NFKB2: variants seen among roughly 807,000 people sequenced by gnomAD.
NFKB2 encodes nuclear factor NF-kappa-B p100 subunit.
A neutral mutation model predicts 109.3 loss-of-function variants in NFKB2; 21 were observed. The ratio of observed to expected loss-of-function variants is 0.19; its 90% confidence interval spans 0.14 to 0.28. The LOEUF (loss-of-function observed/expected upper bound fraction) is 0.28. Ranked by LOEUF, NFKB2 falls within the 10% of genes least tolerant of loss-of-function variation. The pLI, the probability that NFKB2 is intolerant of heterozygous loss-of-function variation, is 1.00. For missense variants in NFKB2, 806 were observed against 1,185.3 expected (o/e 0.68, Z 4.70); for synonymous variants, 478 against 489.9 (o/e 0.98, Z 0.32).
Position 102,402,524 on chromosome 10 carries a change from A to G in NFKB2, c.*148A>G. 1.8e-6 allele frequency: 1 copy of G among 569,482 alleles called. No individual in the cohort carries two copies. Among genetic ancestry groups the G allele is most frequent in the Non-Finnish European group, 3.1e-6 (1 of 325,102 alleles). The allele number at this position is 569,482 out of a possible 1,614,324, so 35.3% of individuals were successfully genotyped here. A position where few individuals can be genotyped will look rare whatever the true frequency, so the allele number is the denominator to read the frequency against. On this transcript the variant is annotated 3_prime_UTR_variant, in exon 23 of 23. Transcript: ENST00000661543. ...GGGGAGGACCCCTCCTTCCCAACTTATGGCAGCCCCTGATGTGACTCTTGT... is the reference window on the plus strand; with the variant it reads ...GGGGAGGACCCCTCCTTCCCAACTTGTGGCAGCCCCTGATGTGACTCTTGT...
chr10:102,401,407 G>A lies in NFKB2; in HGVS notation c.2224-42G>A, dbSNP rs2061243885. On this transcript the variant is annotated intron_variant, in intron 19 of 22. Transcript: ENST00000661543. The surrounding 1 kb of genome is among the most constrained non-coding windows in gnomAD (Gnocchi z 4.2). ...TCTGGACTTAAAGACACAGGCTTAA[G>A]GACGAGGTGGGAGGTAGTCAGAACT... The A allele has an allele frequency of 1.9e-6, 3 of 1,613,612 alleles. No individual in the cohort carries two copies. The highest frequency in any genetic ancestry group is 1.7e-6 in the Non-Finnish European group (2 of 1,179,890).
At chr10:102,395,704 T>C (rs980229854), upstream of NFKB2, 1 of 585,750 alleles carries the variant, frequency 1.7e-6, no homozygotes, top group African/African-American at 1.9e-5. Flanking sequence ...TAAGCTGCTC[T>C]AACTTTCCTG....
chr10:102,398,571 G>T lies in NFKB2; in HGVS notation c.991+48G>T. ...AGGGTGCTGGCGGGGGGCCAGGCTG[G>T]GCTAGAAGAAGGTCCCAAGAGCTAG... On this transcript the variant is annotated intron_variant, in intron 11 of 22. Coordinates refer to ENST00000661543, the MANE Select transcript of NFKB2 (RefSeq NM_001322934.2). The surrounding 1 kb of genome is among the most constrained non-coding windows in gnomAD (Gnocchi z 6.6). The T allele has an allele frequency of 6.2e-7, 1 of 1,609,722 alleles. No homozygotes were observed. Among genetic ancestry groups the T allele is most frequent in the Non-Finnish European group, 8.5e-7 (1 of 1,177,278 alleles).
In NFKB2 at chr10:102,397,281, C is replaced by G. The variant is rs1364680077; in HGVS notation, c.396-21C>G. On this transcript the variant is annotated intron_variant, in intron 6 of 22. Transcript: ENST00000661543. This position sits in a 1 kb window ranked among gnomAD's most constrained non-coding sequence, Gnocchi z 4.7. The stretch of plus-strand genomic sequence containing the variant: ...GAAGAAAGAACTGCATGGCCAAAGG[C>G]CTCCGATTCTCTCTTCTCAGATTTA... 4 of 1,609,276 alleles carry G rather than the reference C, an allele frequency of 2.5e-6. No individual in the cohort carries two copies. Among genetic ancestry groups the G allele is most frequent in the Non-Finnish European group, 3.4e-6 (4 of 1,175,792 alleles).
In NFKB2 at chr10:102,401,954, C is replaced by A; in HGVS notation, c.2466+37C>A. Reference sequence around the variant, plus strand: ...TGTGCCCTGCCCCCTCCCCAGCCTCCTTTCCCGATCTGAGTCCAGGTGCCT... The same window carrying A: ...TGTGCCCTGCCCCCTCCCCAGCCTCATTTCCCGATCTGAGTCCAGGTGCCT... On this transcript the variant is annotated intron_variant, in intron 21 of 22. Transcript: ENST00000661543. The surrounding 1 kb of genome is among the most constrained non-coding windows in gnomAD (Gnocchi z 4.2). The A allele has an allele frequency of 6.3e-7, 1 of 1,597,680 alleles. No individual in the cohort carries two copies. Among genetic ancestry groups the A allele is most frequent in the South Asian group, 1.1e-5 (1 of 88,890 alleles).
chr10:102,399,773 C>T, intron 14 of NFKB2, 55 bp downstream of exon 14: 8 of 1,438,822 alleles, frequency 5.6e-6, no homozygotes, highest in Non-Finnish European at 7.3e-6. Flanking sequence ...GGAAAGGGAC[C>T]GGCACGGAGG....
In NFKB2 at chr10:102,397,073, C is replaced by A; in HGVS notation, c.395+18C>A. 6.2e-7 allele frequency: 1 copy of A among 1,600,682 alleles called. No homozygotes were observed. The highest frequency in any genetic ancestry group is 1.1e-5 in the South Asian group (1 of 90,816). Reference sequence around the variant, plus strand: ...ACTGCCCAGTAGGTGCCCTCTACGCCTGGCCCCCACTGGTATGCCCGTCTG... The same window carrying A: ...ACTGCCCAGTAGGTGCCCTCTACGCATGGCCCCCACTGGTATGCCCGTCTG... On this transcript the variant is annotated intron_variant, in intron 6 of 22. Coordinates refer to ENST00000661543, the MANE Select transcript of NFKB2 (RefSeq NM_001322934.2). This position sits in a 1 kb window ranked among gnomAD's most constrained non-coding sequence, Gnocchi z 4.7.
rs368440166 is a variant in NFKB2 at position 102,400,064 on chromosome 10, G to A, written c.1470-16G>A. On this transcript the variant is annotated splice_polypyrimidine_tract_variant and intron_variant, in intron 14 of 22. Coordinates refer to ENST00000661543, the MANE Select transcript of NFKB2 (RefSeq NM_001322934.2). This position sits in a 1 kb window ranked among gnomAD's most constrained non-coding sequence, Gnocchi z 6.3. ...CTCTGAGTGGCTGGGCCAGACTCTC[G>A]CTCCCCAACCCCCAGACCACTGCAC... 66 of 1,611,716 alleles carry A rather than the reference G, an allele frequency of 4.1e-5. No homozygotes were observed. The Middle Eastern group carries it at 1.5e-3, about 36-fold the overall frequency.
In NFKB2 at chr10:102,396,495, T is replaced by A; in HGVS notation, c.144+6T>A. On this transcript the variant is annotated splice_donor_region_variant and intron_variant, in intron 4 of 22. Coordinates refer to ENST00000661543, the MANE Select transcript of NFKB2 (RefSeq NM_001322934.2). This position sits in a 1 kb window ranked among gnomAD's most constrained non-coding sequence, Gnocchi z 5.9. ...TCGTGGAACAGCCTAAGCAGGTGAG[T>A]GAGCAAAAGGGAGGGTGTGGAATGG... is the stretch of plus-strand genomic sequence containing the variant. The A allele has an allele frequency of 6.2e-7, 1 of 1,613,566 alleles. No individual in the cohort carries two copies. Among genetic ancestry groups the A allele is most frequent in the Non-Finnish European group, 8.5e-7 (1 of 1,179,914 alleles).
rs1439127465 is a variant in NFKB2 at position 102,397,723 on chromosome 10, G to A, written c.661+38G>A. 9 of 1,587,378 alleles carry A rather than the reference G, an allele frequency of 5.7e-6. No homozygotes were observed. Among genetic ancestry groups the A allele is most frequent in the Non-Finnish European group, 7.7e-6 (9 of 1,161,512 alleles). Reference sequence around the variant, plus strand: ...ATTGCCTGGGGTGCCAGGCCTGGTGGCAGAGGTGGCATGAGGGGTGACCTC... The same window carrying A: ...ATTGCCTGGGGTGCCAGGCCTGGTGACAGAGGTGGCATGAGGGGTGACCTC... On this transcript the variant is annotated intron_variant, in intron 8 of 22. Coordinates refer to ENST00000661543, the MANE Select transcript of NFKB2 (RefSeq NM_001322934.2). This position sits in a 1 kb window ranked among gnomAD's most constrained non-coding sequence, Gnocchi z 4.7.
At position 102,400,081 on chromosome 10, in the gene NFKB2, C is replaced by G; in HGVS notation, c.1471C>G (p.Pro491Ala). The change falls in exon 15 of 23, where the codon CCA (proline) becomes GCA (alanine). Residue 491 changes from proline (P) to alanine (A), a missense_variant and splice_region_variant. This residue lies in a region of NFKB2 where 163 missense variants were observed against 207.1 expected (regional missense o/e 0.79). Coordinates refer to ENST00000661543, the MANE Select transcript of NFKB2 (RefSeq NM_001322934.2). The surrounding 1 kb of genome is among the most constrained non-coding windows in gnomAD (Gnocchi z 6.3). Reference sequence around the variant, plus strand: ...AGACTCTCGCTCCCCAACCCCCAGACCACTGCACCTAGCCATCATCCACGG... The same window carrying G: ...AGACTCTCGCTCCCCAACCCCCAGAGCACTGCACCTAGCCATCATCCACGG... ...LTAQDENGDT[P>A]LHLAIIHGQT... is the part of the protein sequence containing the mutation. The G allele has an allele frequency of 6.2e-7, 1 of 1,613,962 alleles. No homozygotes were observed. Among genetic ancestry groups the G allele is most frequent in the South Asian group, 1.1e-5 (1 of 91,080 alleles).
chr10:102,398,023 A>G lies in NFKB2; in HGVS notation c.704A>G (p.Lys235Arg), dbSNP rs552769396. ...AACCTGAAGATTTCTCGAATGGACAAGACAGCAGGCTCTGTGCGGGGTGGA... is the reference window on the plus strand; with the variant it reads ...AACCTGAAGATTTCTCGAATGGACAGGACAGCAGGCTCTGTGCGGGGTGGA... ...ASNLKISRMD[K>R]TAGSVRGGDE... The change falls in exon 9 of 23, where the codon AAG (lysine) becomes AGG (arginine). Residue 235 changes from lysine to arginine, a missense_variant. Around this residue, in one of 10 missense-constraint regions of NFKB2, gnomAD observed 64 missense variants for 177.4 expected, o/e 0.36. Transcript: ENST00000661543. This position sits in a 1 kb window ranked among gnomAD's most constrained non-coding sequence, Gnocchi z 6.6. The G allele has an allele frequency of 1.2e-6, 2 of 1,614,210 alleles. No homozygotes were observed. The highest frequency in any genetic ancestry group is 2.2e-5 in the South Asian group (2 of 91,090).
Position 102,395,716 on chromosome 10 carries a change from C to G in NFKB2, c.-153C>G. The G allele has an allele frequency of 1.7e-6, 1 of 595,992 alleles. No individual in the cohort carries two copies. Among genetic ancestry groups the G allele is most frequent in the Non-Finnish European group, 3.0e-6 (1 of 333,014 alleles). 36.9% of individuals were successfully genotyped at this position (595,992 alleles called of 1,614,324 possible). On this transcript the variant is annotated 5_prime_UTR_variant, in exon 1 of 23. Coordinates refer to ENST00000661543, the MANE Select transcript of NFKB2 (RefSeq NM_001322934.2). ...TCCTAAGCTGCTCTAACTTTCCTGC[C>G]CCTTCCCCGGCCAAGCCCAACTCCG...
At chr10:102,402,200 G>T (rs369305023) in intron 22 of NFKB2, 41 bp downstream of exon 22, 166 of 1,552,552 alleles carry the variant, frequency 1.1e-4, no homozygotes, top group Non-Finnish European at 1.4e-4. Flanking sequence ...GACCTGGAGG[G>T]CCGGAGGCCT....
chr10:102,398,836 A>G lies in NFKB2; in HGVS notation c.1089A>G (p.Ala363=). 2 of 1,604,476 alleles carry G rather than the reference A, an allele frequency of 1.2e-6. No individual in the cohort carries two copies. The highest frequency in any genetic ancestry group is 2.2e-5 in the East Asian group (1 of 44,810). The change falls in exon 12 of 23, where the codon GCA becomes GCG. Residue 363 remains alanine, a synonymous_variant. Transcript: ENST00000661543. The surrounding 1 kb of genome is among the most constrained non-coding windows in gnomAD (Gnocchi z 6.6). ...ACATGGGTGGAGGCTCTGGGGGTGC[A>G]GCCGGGGGCTACGGAGGAGCTGGAG... ...GSHMGGGSGG[A]AGGYGGAGGG...
chr10:102,400,505 C>G lies in NFKB2; in HGVS notation c.1798+14C>G, dbSNP rs1565211175. ...CTGACTTTGAGGGTGAGCTCCCCAT[C>G]TCACCTGACTAAGGGGGCAGGCGGG... On this transcript the variant is annotated intron_variant, in intron 16 of 22. Transcript: ENST00000661543. The surrounding 1 kb of genome is among the most constrained non-coding windows in gnomAD (Gnocchi z 6.3). 1 of 1,594,956 alleles carries G rather than the reference C, an allele frequency of 6.3e-7. No homozygotes were observed. Among genetic ancestry groups the G allele is most frequent in the East Asian group, 2.3e-5 (1 of 43,640 alleles).
intron 12 of NFKB2, 183 bp downstream of exon 12, chr10:102,399,047 T>C: frequency 1.3e-6 from 1 of 747,082 alleles, no homozygotes; most frequent in Non-Finnish European, 2.1e-6. Context: ...ACCTCGTCTC[T>C]ACTAAAAATA....
Position 102,401,581 on chromosome 10 carries a change from T to A in NFKB2, c.2293+63T>A, listed in dbSNP as rs989941606. On this transcript the variant is annotated intron_variant, in intron 20 of 22. Transcript: ENST00000661543. The surrounding 1 kb of genome is among the most constrained non-coding windows in gnomAD (Gnocchi z 4.2). ...ACTCCTCACAGAGGTCTCTTCTCCTTCAGGACCTCTGAAGGAGGCCTCCCT... is the reference window on the plus strand; with the variant it reads ...ACTCCTCACAGAGGTCTCTTCTCCTACAGGACCTCTGAAGGAGGCCTCCCT... 21 of 1,579,252 alleles carry A rather than the reference T, an allele frequency of 1.3e-5. No homozygotes were observed. Among genetic ancestry groups the A allele is most frequent in the Non-Finnish European group, 1.7e-5 (20 of 1,155,494 alleles).
In NFKB2 at chr10:102,401,410, C is replaced by T. The variant is rs369807174; in HGVS notation, c.2224-39C>T. ...GGACTTAAAGACACAGGCTTAAGGA[C>T]GAGGTGGGAGGTAGTCAGAACTGCG... On this transcript the variant is annotated intron_variant, in intron 19 of 22. Transcript: ENST00000661543. The surrounding 1 kb of genome is among the most constrained non-coding windows in gnomAD (Gnocchi z 4.2). 156 of 1,613,454 alleles carry T rather than the reference C, an allele frequency of 9.7e-5. 1 individual carries two copies. Among genetic ancestry groups the T allele is most frequent in the Non-Finnish European group, 1.2e-4 (140 of 1,179,796 alleles).
Sources: gnomAD v4.1 joint callset for allele counts on GRCh38, gnomAD v4.1.1 for gene constraint, gnomAD v4.1.1 regional missense constraint, Gnocchi (gnomAD v3.1) non-coding constraint, MANE v1.5 for transcripts, NCBI Gene and HGNC (gene_info 2026-07-23, HGNC 2026-07-21) for gene names.